The following GLIPR1L1 variants were observed in gnomAD, a reference collection of about 807,000 sequenced individuals.
GLIPR1L1 encodes GLIPR1-like protein 1.
GLIPR1L1 carries 26 observed loss-of-function variants against 29.9 expected under a neutral mutation model. The observed-to-expected ratio is 0.87, with a 90% CI of 0.64 to 1.21. The LOEUF is 1.21. GLIPR1L1 is among the 50% of genes most tolerant of loss of function. The probability of loss-of-function intolerance (pLI) is 0.00; values close to 1 mark genes in which losing one functional copy is unlikely to be tolerated. For synonymous variants in GLIPR1L1, 77 were observed against 97.5 expected (o/e 0.79, Z 1.24); for missense variants, 305 against 290.3 (o/e 1.05, Z -0.37).
At chr12:75,359,911 A>G (rs2043454336) in intron 3 of GLIPR1L1, 2 of 152,174 alleles carry the variant, frequency 1.3e-5, no homozygotes, top group African/African-American at 4.8e-5. Flanking sequence ...GGTTTAATTG[A>G]CTACAGTTCC....
At chr12:75,342,978 CT>C (rs1278456606) in intron 1 of GLIPR1L1, among the ~76,000 whole-genome samples, 2 of 151,738 alleles carry the variant, frequency 1.3e-5, no homozygotes, top group Non-Finnish European at 2.9e-5. Flanking sequence ...GCATATTTTC[CT>C]TGTATCTTTC....
chr12:75,363,218 C>T (rs1371686394), intron 4 of GLIPR1L1, 28 bp downstream of exon 4: 2 of 1,025,098 alleles, frequency 2.0e-6, no homozygotes, highest in Non-Finnish European at 2.7e-6. Context: ...TATATAATTA[C>T]ATTTAGAGAG....
At chr12:75,360,187 GGGT>G (rs1361690817) in intron 3 of GLIPR1L1, 1 of 152,118 alleles carries the variant, frequency 6.6e-6, no homozygotes, top group African/African-American at 2.4e-5. Flanking sequence ...GATAAGGTTT[GGGT>G]GGGGACACAG....
At chr12:75,342,854 G>A (rs185407674) in intron 1 of GLIPR1L1, among the ~76,000 whole-genome samples, 17 of 151,958 alleles carry the variant, frequency 1.1e-4, no homozygotes, top group South Asian at 2.1e-4. Flanking sequence ...TTTCAGTTAC[G>A]TTTTTGCAGT....
intron 1 of GLIPR1L1, among the ~76,000 whole-genome samples, chr12:75,340,103 C>T (rs186098193): frequency 7.9e-5 from 12 of 151,174 alleles, no homozygotes; most frequent in African/African-American, 2.7e-4. Flanking sequence ...ATGGCTGAGT[C>T]GTATTCCATT....
intron 3 of GLIPR1L1, among the ~76,000 whole-genome samples, chr12:75,357,626 ACATTTAAAT>A (rs1270025840): frequency 6.6e-6 from 1 of 152,140 alleles, no homozygotes; most frequent in African/African-American, 2.4e-5. Flanking sequence ...AGATCTTGAT[ACATTTAAAT>A]GTATTAAAAT....
chr12:75,338,086 A>T (rs567967621), intron 1 of GLIPR1L1, among the ~76,000 whole-genome samples: 1 of 152,264 alleles, frequency 6.6e-6, no homozygotes, highest in East Asian at 1.9e-4. Flanking sequence ...TGTGAAACTG[A>T]AAGAGAAAAC....
intron 3 of GLIPR1L1, among the ~76,000 whole-genome samples, chr12:75,354,940 A>C (rs1229009823): frequency 6.6e-6 from 1 of 152,236 alleles, no homozygotes; most frequent in East Asian, 1.9e-4. Flanking sequence ...CAGAGAATTG[A>C]AACTGCACAA....
chr12:75,362,345 C>G (rs1432351515), intron 3 of GLIPR1L1, among the ~76,000 whole-genome samples: 3 of 152,066 alleles, frequency 2.0e-5, no homozygotes, highest in Admixed American at 2.0e-4. Context: ...TAGAGAGTGA[C>G]CATGCCAAAT....
rs763514806 is a variant in GLIPR1L1 at position 75,347,655 on chromosome 12, G to A, written c.454G>A (p.Ala152Thr). 2 of 1,609,240 alleles carry A rather than the reference G, an allele frequency of 1.2e-6. No homozygotes were observed. The highest frequency in any genetic ancestry group is 2.2e-5 in the South Asian group (2 of 90,668). ...VWANSFYVGCAVAMCPNLGGA... is the reference protein window; with the variant it reads ...VWANSFYVGCTVAMCPNLGGA... ...GGCCAATTCATTTTATGTCGGTTGT[G>A]CAGTTGCAATGTGTCCTAACCTTGG... Residue 152 changes from alanine to threonine, a missense_variant, in exon 3 of 6, where the codon GCA becomes ACA. Physicochemically the swap from Ala to Thr is moderately conservative, Grantham distance 58. Coordinates refer to ENST00000378695, the MANE Select transcript of GLIPR1L1 (RefSeq NM_001304964.2).
chr12:75,344,015 A>G lies in GLIPR1L1; in HGVS notation c.420+77A>G, dbSNP rs1451317258. 2.4e-6 allele frequency: 3 copies of G among 1,232,760 alleles called. No homozygotes were observed. In the East Asian group the frequency reaches 7.2e-5, roughly 29 times the overall value. The allele number at this position is 1,232,760 out of a possible 1,614,324, so 76.4% of individuals were successfully genotyped here. On this transcript the variant is annotated intron_variant, in intron 2 of 5. Transcript: ENST00000378695. ...TGCCAGAATTTATTTCTCTGTATGT[A>G]AAGTGCCTTTATTTTTCTGGCTGCC... is the stretch of plus-strand genomic sequence containing the variant.
At chr12:75,369,552 G>A (rs531307650) in intron 4 of GLIPR1L1, 30 of 983,070 alleles carry the variant, frequency 3.1e-5, no homozygotes, top group South Asian at 1.9e-4. Context: ...AAAAGACATC[G>A]AGAAATATTT....
chr12:75,342,150 T>C (rs552597714), intron 1 of GLIPR1L1, among the ~76,000 whole-genome samples: 3 of 152,308 alleles, frequency 2.0e-5, no homozygotes, highest in South Asian at 2.1e-4. Context: ...TGTGACTTAA[T>C]GGGTTAGCAT....
intron 3 of GLIPR1L1, among the ~76,000 whole-genome samples, chr12:75,351,987 G>A (rs532278649): frequency 3.1e-4 from 47 of 152,274 alleles, no homozygotes; most frequent in Admixed American, 6.5e-4. Flanking sequence ...GGCCTGCCTT[G>A]CAAGAGCTCC....
At chr12:75,366,368 C>G (rs565231187) in intron 4 of GLIPR1L1, among the ~76,000 whole-genome samples, 3 of 152,040 alleles carry the variant, frequency 2.0e-5, no homozygotes, top group Non-Finnish European at 4.4e-5. Context: ...AGATTTAAAG[C>G]AGGCAGAAAA....
chr12:75,341,796 C>T (rs1474933688), intron 1 of GLIPR1L1, among the ~76,000 whole-genome samples: 13 of 134,332 alleles, frequency 9.7e-5, no homozygotes, highest in Non-Finnish European at 1.8e-4. Flanking sequence ...GTCACCCAGA[C>T]TGGAGGGCAA....
Position 75,334,746 on chromosome 12 carries a change from ATTCAG to A in GLIPR1L1, c.21_25del (p.Phe7LeufsTer22), listed in dbSNP as rs557149984. On this transcript the variant is annotated frameshift_variant, in exon 1 of 6. Transcript: ENST00000378695. LOFTEE classifies it high-confidence loss of function. Reference sequence around the variant, plus strand: ...ATCCTTCCATGGCTCTGAAGAATAAATTCAGTTGTTTATGGATCTTGGGTCTGTGT... The same window carrying A: ...ATCCTTCCATGGCTCTGAAGAATAAATTGTTTATGGATCTTGGGTCTGTGT... The A allele has an allele frequency of 7.6e-5, 123 of 1,613,966 alleles. No individual in the cohort carries two copies. In the African/African-American group the frequency reaches 1.3e-3, roughly 16 times the overall value.
In GLIPR1L1 at chr12:75,363,086, T is replaced by A; in HGVS notation, c.522-16T>A. 7.1e-7 allele frequency: 1 copy of A among 1,413,042 alleles called. No homozygotes were observed. The allele number at this position is 1,413,042 out of a possible 1,614,324, so 87.5% of individuals were successfully genotyped here. ...TTAACAGCCATTTGGCTAATCAATG[T>A]TTCTCTTTTTTACAGAGGAAATTTT... On this transcript the variant is annotated splice_polypyrimidine_tract_variant and intron_variant, in intron 3 of 5. Coordinates refer to ENST00000378695, the MANE Select transcript of GLIPR1L1 (RefSeq NM_001304964.2).
intron 3 of GLIPR1L1, among the ~76,000 whole-genome samples, chr12:75,356,625 A>G (rs2043174811): frequency 6.6e-6 from 1 of 152,194 alleles, no homozygotes; most frequent in African/African-American, 2.4e-5. Context: ...AGGCAAAAAG[A>G]AAGGAAAAGG....
Sources: gnomAD v4.1 joint callset for allele counts (sites outside exome capture counted in the v4.1 genomes callset) on GRCh38, gnomAD v4.1.1 for gene constraint, MANE v1.5 for transcripts, NCBI Gene and HGNC (gene_info 2026-07-23, HGNC 2026-07-21) for gene names.